The following MXD1 variants were observed in gnomAD, a reference collection of about 807,000 sequenced individuals.
The protein encoded by MXD1 is MAX dimerization protein 1, also known as MAX-binding protein.
Under a neutral mutation model 25.7 loss-of-function variants are expected in MXD1, and 9 were observed. That is an observed-to-expected ratio of 0.35 (90% CI 0.21 to 0.61). The LOEUF is 0.61. MXD1 is among the 20% of genes least tolerant of loss of function. The pLI, the probability that MXD1 is intolerant of heterozygous loss-of-function variation, is 0.75. For synonymous variants in MXD1, 99 were observed against 113.9 expected (o/e 0.87, Z 0.83); for missense variants, 227 against 292.4 (o/e 0.78, Z 1.63).
At chr2:69,919,521 T>C (rs893852414) in intron 2 of MXD1, among the ~76,000 whole-genome samples, 3 of 151,892 alleles carry the variant, frequency 2.0e-5, no homozygotes, top group African/African-American at 7.3e-5. Flanking sequence ...ATTTTTGTAT[T>C]TTTAGTAAAG....
At chr2:69,933,200 CAAAAAAAAAAA>C (rs59201689) in intron 3 of MXD1, among the ~76,000 whole-genome samples, 2 of 80,144 alleles carry the variant, frequency 2.5e-5, no homozygotes, top group Non-Finnish European at 5.0e-5. Flanking sequence ...AACTCTGTCT[CAAAAAAAAAAA>C]AAAAAAAAAA....
chr2:69,929,066 G>T (rs142253440), intron 3 of MXD1, among the ~76,000 whole-genome samples: 3,178 of 152,202 alleles, frequency 0.021, 45 homozygotes, highest in Middle Eastern at 0.044. Flanking sequence ...GCTAATTTTT[G>T]TATTGTTAGT....
At chr2:69,930,155 CA>C (rs1301230404) in intron 3 of MXD1, among the ~76,000 whole-genome samples, 2 of 152,064 alleles carry the variant, frequency 1.3e-5, no homozygotes, top group African/African-American at 4.8e-5. Context: ...TTCATTTACT[CA>C]ATTTTCTTGT....
chr2:69,929,920 T>C (rs553928235), intron 3 of MXD1, among the ~76,000 whole-genome samples: 2 of 152,344 alleles, frequency 1.3e-5, no homozygotes, highest in South Asian at 2.1e-4. Flanking sequence ...AGCTTTATAA[T>C]ACAATTTAAT....
intron 2 of MXD1, among the ~76,000 whole-genome samples, chr2:69,917,137 T>C (rs1210852992): frequency 6.6e-6 from 1 of 152,170 alleles, no homozygotes; most frequent in Non-Finnish European, 1.5e-5. Flanking sequence ...TCCTTGCAAG[T>C]ATCTATTTGG....
chr2:69,940,930 A>G lies in MXD1; in HGVS notation c.*2646A>G, dbSNP rs780064915. 6.6e-6 allele frequency: 1 copy of G among 152,588 alleles called. No homozygotes were observed. The highest frequency in any genetic ancestry group is 1.5e-5 in the Non-Finnish European group (1 of 68,036). 9.5% of individuals were successfully genotyped at this position (152,588 alleles called of 1,614,324 possible). A position where few individuals can be genotyped will look rare whatever the true frequency, so the allele number is the denominator to read the frequency against. On this transcript the variant is annotated 3_prime_UTR_variant, in exon 6 of 6. Transcript: ENST00000264444. ...CTGATTCGCCAATTTGTCCTCTCTC[A>G]TTCACTGATCCACCAGCCTGACTGC...
chr2:69,927,530 G>C (rs1433319133), intron 3 of MXD1, among the ~76,000 whole-genome samples: 1 of 152,210 alleles, frequency 6.6e-6, no homozygotes, highest in Non-Finnish European at 1.5e-5. Flanking sequence ...ACTTGGAGGA[G>C]AGACACATGC....
Position 69,942,525 on chromosome 2 carries a change from G to A in MXD1, c.*4241G>A, listed in dbSNP as rs1677633726. Reference sequence around the variant, plus strand: ...GAATTCATAAGGCACCCAATGTTAAGATTTATCCAGATTTTTACATTTTGA... The same window carrying A: ...GAATTCATAAGGCACCCAATGTTAAAATTTATCCAGATTTTTACATTTTGA... On this transcript the variant is annotated 3_prime_UTR_variant, in exon 6 of 6. Transcript: ENST00000264444. 1 of 152,184 alleles carries A rather than the reference G, an allele frequency of 6.6e-6. No individual in the cohort carries two copies. Among genetic ancestry groups the A allele is most frequent in the South Asian group, 2.1e-4 (1 of 4,818 alleles). The allele number at this position is 152,184 out of a possible 1,614,324, so 9.4% of individuals were successfully genotyped here. A position where few individuals can be genotyped will look rare whatever the true frequency, so the allele number is the denominator to read the frequency against.
Position 69,938,227 on chromosome 2 carries a change from C to T in MXD1, c.609C>T (p.Ser203=), listed in dbSNP as rs1364809574. ...QSLGSDEGYS[S]TSIKRIKLQD... ...TCGGCAGTGATGAGGGCTATTCCAG[C>T]ACCAGCATCAAGAGAATAAAGCTGC... Residue 203 remains serine, a synonymous_variant, in exon 6 of 6, where the codon AGC becomes AGT. Coordinates refer to ENST00000264444, the MANE Select transcript of MXD1 (RefSeq NM_002357.4). 1.2e-6 allele frequency: 2 copies of T among 1,614,202 alleles called. No individual in the cohort carries two copies. The highest frequency in any genetic ancestry group is 2.2e-5 in the South Asian group (2 of 91,086).
chr2:69,923,290 T>C (rs1356428397), intron 3 of MXD1, among the ~76,000 whole-genome samples: 1 of 152,144 alleles, frequency 6.6e-6, no homozygotes, highest in East Asian at 1.9e-4. Flanking sequence ...CGGAGAACCA[T>C]TGAACTAGCC....
chr2:69,921,632 C>G, intron 2 of MXD1, 104 bp from the exon 3 acceptor site: 1 of 1,043,852 alleles, frequency 9.6e-7, no homozygotes, highest in Non-Finnish European at 1.4e-6. Flanking sequence ...CTACATCTCT[C>G]CTATCAACTT....
At chr2:69,924,167 A>G (rs531185988) in intron 3 of MXD1, among the ~76,000 whole-genome samples, 1 of 152,256 alleles carries the variant, frequency 6.6e-6, no homozygotes, top group Non-Finnish European at 1.5e-5. Flanking sequence ...AGTTTGTCCA[A>G]TGGGAAAGAT....
At chr2:69,923,807 A>AT (rs1291450358) in intron 3 of MXD1, among the ~76,000 whole-genome samples, 3 of 152,140 alleles carry the variant, frequency 2.0e-5, no homozygotes, top group African/African-American at 7.2e-5. Flanking sequence ...TCATTTTTAG[A>AT]TTTTCTCTTC....
At position 69,915,341 on chromosome 2, in the gene MXD1, C is replaced by T; in HGVS notation, c.11C>T (p.Ala4Val). 2 of 1,305,092 alleles carry T rather than the reference C, an allele frequency of 1.5e-6. No individual in the cohort carries two copies. The highest frequency in any genetic ancestry group is 2.0e-6 in the Non-Finnish European group (2 of 1,017,810). 80.8% of individuals were successfully genotyped at this position (1,305,092 alleles called of 1,614,324 possible). A position where few individuals can be genotyped will look rare whatever the true frequency, so the allele number is the denominator to read the frequency against. Residue 4 changes from alanine to valine, a missense_variant, in exon 1 of 6, where the codon GCG becomes GTG. Transcript: ENST00000264444. This position sits in a 1 kb window ranked among gnomAD's most constrained non-coding sequence, Gnocchi z 5.8. ...GGCCCCCGGTGCAGAATGGCGGCGGCGGTTCGGATGAACATCCAGATGCTG... is the reference window on the plus strand; with the variant it reads ...GGCCCCCGGTGCAGAATGGCGGCGGTGGTTCGGATGAACATCCAGATGCTG... MAA[A>V]VRMNIQMLLE...
At chr2:69,936,980 C>T in intron 4 of MXD1, 1 of 603,428 alleles carries the variant, frequency 1.7e-6, no homozygotes, top group Non-Finnish European at 3.2e-6. Flanking sequence ...TACCAGGGTG[C>T]CAGTATGTGA....
chr2:69,927,395 G>C (rs1022353112), intron 3 of MXD1, among the ~76,000 whole-genome samples: 3 of 152,200 alleles, frequency 2.0e-5, no homozygotes, highest in Non-Finnish European at 4.4e-5. Flanking sequence ...ACGAAGGAGA[G>C]ACACAGCGAT....
chr2:69,937,300 C>G lies in MXD1; in HGVS notation c.384C>G (p.His128Gln). Residue 128 changes from histidine (H) to glutamine (Q), a missense_variant, in exon 5 of 6, where the codon CAC becomes CAG. Physicochemically the swap from His to Gln is conservative, Grantham distance 24 (BLOSUM62 0). Coordinates refer to ENST00000264444, the MANE Select transcript of MXD1 (RefSeq NM_002357.4). ...QIDQLQREQRHLKRQLEKLGI... is the reference protein window; with the variant it reads ...QIDQLQREQRQLKRQLEKLGI... ...ACCAGCTTCAGCGAGAGCAGCGACA[C>G]CTGAAGAGGCAGCTGGAGAAGCTGG... 6.2e-7 allele frequency: 1 copy of G among 1,614,186 alleles called. No homozygotes were observed. The highest frequency in any genetic ancestry group is 8.5e-7 in the Non-Finnish European group (1 of 1,180,030).
At chr2:69,935,502 T>C (rs202246548) in intron 4 of MXD1, 37 bp downstream of exon 4, 5 of 1,405,114 alleles carry the variant, frequency 3.6e-6, no homozygotes, top group Non-Finnish European at 5.0e-6. Context: ...TATCTTTACC[T>C]GTTCAGTGAG....
intron 3 of MXD1, among the ~76,000 whole-genome samples, chr2:69,923,581 C>CGTGTGTGTGT (rs10652254): frequency 2.5e-4 from 37 of 150,410 alleles, no homozygotes; most frequent in Middle Eastern, 3.4e-3. Flanking sequence ...TATGGAATTT[C>CGTGTGTGTGT]GTGTGTGTGT....
Sources: gnomAD v4.1 joint callset for allele counts (sites outside exome capture counted in the v4.1 genomes callset) on GRCh38, gnomAD v4.1.1 for gene constraint, Gnocchi (gnomAD v3.1) non-coding constraint, MANE v1.5 for transcripts, NCBI Gene and HGNC (gene_info 2026-07-23, HGNC 2026-07-21) for gene names.